The following MYO16 variants were observed in gnomAD, a reference collection of about 807,000 sequenced individuals.
MYO16 encodes unconventional myosin-XVI.
Under a neutral mutation model 205.3 loss-of-function variants are expected in MYO16, and 94 were observed. That is an observed-to-expected ratio of 0.46 (90% CI 0.39 to 0.54). The LOEUF (loss-of-function observed/expected upper bound fraction) is 0.54, where lower values mean the gene tolerates loss of function less well. Ranked by LOEUF, MYO16 falls within the 20% of genes least tolerant of loss-of-function variation. MYO16 has a pLI of 0.00. For missense variants in MYO16, 2,315 were observed against 2,387.5 expected, an observed-to-expected ratio of 0.97 and a Z score of 0.63; for synonymous variants, 988 against 954.0, an observed-to-expected ratio of 1.04 and a Z score of -0.66.
the MYO16 span, among the ~76,000 whole-genome samples, chr13:108,557,934 C>T: frequency 1.3e-4 from 20 of 152,158 alleles, 1 homozygote; most frequent in Admixed American, 1.1e-3. Context: ...GATAGATACA[C>T]ACACATACAC....
chr13:108,759,967 A>C (rs969546537), intron 4 of MYO16, among the ~76,000 whole-genome samples: 3 of 152,216 alleles, frequency 2.0e-5, no homozygotes, highest in Non-Finnish European at 4.4e-5. Context: ...CTGGGGATGC[A>C]TGTGATATTT....
intron 1 of MYO16, among the ~76,000 whole-genome samples, chr13:108,664,884 G>A (rs961762192): frequency 6.6e-6 from 1 of 152,112 alleles, no homozygotes; most frequent in Non-Finnish European, 1.5e-5. Context: ...TCAGAAATGG[G>A]AATTCACTTT....
intron 34 of MYO16, among the ~76,000 whole-genome samples, chr13:109,194,757 C>T (rs577638691): frequency 6.6e-6 from 1 of 152,044 alleles, no homozygotes; most frequent in Admixed American, 6.6e-5. Context: ...GGGCTTGATT[C>T]TTTCTTTAGG....
chr13:108,778,630 ATTTT>A (rs74316857), intron 4 of MYO16, among the ~76,000 whole-genome samples: 1 of 151,856 alleles, frequency 6.6e-6, no homozygotes, highest in Admixed American at 6.6e-5. Flanking sequence ...AAAAATATAT[ATTTT>A]TTTTCTGTTT....
chr13:109,099,131 C>T (rs1391227325), intron 27 of MYO16, among the ~76,000 whole-genome samples: 3 of 152,254 alleles, frequency 2.0e-5, no homozygotes, highest in African/African-American at 4.8e-5. Context: ...TTTAGCAAAA[C>T]GTCTTGAACC....
chr13:108,722,651 A>G (rs1034009123), intron 3 of MYO16, among the ~76,000 whole-genome samples: 9 of 152,208 alleles, frequency 5.9e-5, no homozygotes, highest in African/African-American at 2.2e-4. Context: ...TCACATCTTT[A>G]TTGATTATAC....
At chr13:109,052,536 T>C in intron 25 of MYO16, 61 bp downstream of exon 25, 3 of 1,309,900 alleles carry the variant, frequency 2.3e-6, no homozygotes, top group Non-Finnish European at 2.1e-6. Context: ...ATTTGCTTCT[T>C]TTTTTTTAAA....
intron 7 of MYO16, among the ~76,000 whole-genome samples, chr13:108,807,712 C>T (rs1426632889): frequency 6.6e-6 from 1 of 152,134 alleles, no homozygotes; most frequent in Non-Finnish European, 1.5e-5. Context: ...CTGTCTCCTC[C>T]ACCAGTTCTT....
At chr13:108,972,249 C>CTA (rs1158879237) in intron 20 of MYO16, among the ~76,000 whole-genome samples, 37 of 2,848 alleles carry the variant, frequency 0.013, 4 homozygotes, top group Middle Eastern at 0.25. Context: ...CTCTCTCTCT[C>CTA]TATATATATA....
intron 1 of MYO16, among the ~76,000 whole-genome samples, chr13:108,599,678 C>CCCG (rs2139297373): frequency 6.6e-6 from 1 of 152,200 alleles, no homozygotes; most frequent in East Asian, 1.9e-4. Flanking sequence ...ATATCAAATG[C>CCCG]CCGCTGTGAG....
chr13:108,502,625 T>A, the MYO16 span, among the ~76,000 whole-genome samples: 1 of 152,232 alleles, frequency 6.6e-6, no homozygotes, highest in Non-Finnish European at 1.5e-5. Flanking sequence ...GGCTAAAAAC[T>A]GTAGCATGTG....
the MYO16 span, among the ~76,000 whole-genome samples, chr13:108,506,658 T>C: frequency 1.3e-5 from 2 of 152,176 alleles, no homozygotes; most frequent in African/African-American, 4.8e-5. Context: ...CCTTCACAAT[T>C]TGAATGTCTT....
chr13:108,687,902 G>A (rs1011123594), intron 2 of MYO16, among the ~76,000 whole-genome samples: 2 of 152,082 alleles, frequency 1.3e-5, no homozygotes, highest in Non-Finnish European at 2.9e-5. Flanking sequence ...GGAGATTCTG[G>A]GACAAAGGAT....
In MYO16 at chr13:108,898,071, C is replaced by G; in HGVS notation, c.1715C>G (p.Ser572Cys). The change falls in exon 15 of 35, where the codon TCC (serine) becomes TGC (cysteine). Residue 572 changes from serine to cysteine, a missense_variant. Transcript: ENST00000457511. ...GCCAAGACCACACTTAATGATTTGT[C>G]CAGTTGCTTCATCAAGTATTTTGAA... ...GHAKTTLNDL[S>C]SCFIKYFELQ... is the part of the protein sequence containing the mutation. The G allele has an allele frequency of 6.2e-7, 1 of 1,614,060 alleles. No homozygotes were observed. Among genetic ancestry groups the G allele is most frequent in the Non-Finnish European group, 8.5e-7 (1 of 1,179,954 alleles).
chr13:108,606,077 T>G (rs907241055), intron 1 of MYO16, among the ~76,000 whole-genome samples: 10 of 152,162 alleles, frequency 6.6e-5, no homozygotes, highest in African/African-American at 2.4e-4. Context: ...GCCCTAGAGA[T>G]CTGTGGAACT....
At chr13:109,155,105 C>T (rs1374275836) in intron 32 of MYO16, among the ~76,000 whole-genome samples, 1 of 152,110 alleles carries the variant, frequency 6.6e-6, no homozygotes, top group Non-Finnish European at 1.5e-5. Flanking sequence ...TTTATACTGA[C>T]AGTCATTTTT....
chr13:109,048,898 A>G (rs1887140074), intron 24 of MYO16: 1 of 69,956 alleles, frequency 1.4e-5, no homozygotes, highest in African/African-American at 4.8e-5. Context: ...TCATAGAGAC[A>G]CACAGCAAAT....
At chr13:109,179,454 A>G in intron 33 of MYO16, 88 bp from the exon 34 acceptor site, 1 of 804,378 alleles carries the variant, frequency 1.2e-6, no homozygotes, top group South Asian at 1.5e-5. Flanking sequence ...AAAGATAACA[A>G]TTCTAGTTTA....
At chr13:109,009,659 C>T (rs1885526120) in intron 22 of MYO16, among the ~76,000 whole-genome samples, 1 of 152,190 alleles carries the variant, frequency 6.6e-6, no homozygotes, top group African/African-American at 2.4e-5. Flanking sequence ...TATGGATTTA[C>T]TCACAATATC....
Sources: gnomAD v4.1 joint callset for allele counts (sites outside exome capture counted in the v4.1 genomes callset) on GRCh38, gnomAD v4.1.1 for gene constraint, MANE v1.5 for transcripts, NCBI Gene and HGNC (gene_info 2026-07-23, HGNC 2026-07-21) for gene names.